Variants in PCDHGB2 observed in about 807,000 individuals in gnomAD.
PCDHGB2 encodes the protein protocadherin gamma subfamily B, 2, also known as protocadherin gamma-B2.
PCDHGB2 carries 55 observed loss-of-function variants against 59.3 expected under a neutral mutation model. That is an observed-to-expected ratio of 0.93 (90% confidence interval 0.75 to 1.16). The LOEUF is 1.16. PCDHGB2 is among the 50% of genes most tolerant of loss of function. The pLI is 0.00. For synonymous variants in PCDHGB2, 516 were observed against 512.0 expected (o/e 1.01, Z -0.11); for missense variants, 1,228 against 1,198.5 (o/e 1.02, Z -0.36).
At chr5:141,482,234 A>G (rs11748256) in intron 1 of PCDHGB2, among the ~76,000 whole-genome samples, 44,758 of 152,044 alleles carry the variant, frequency 0.29, 7,110 homozygotes, top group African/African-American at 0.42. Context: ...GAAATTGCCA[A>G]TATAAGTATA....
chr5:141,416,745 C>T (rs186830862), intron 1 of PCDHGB2: 5 of 152,194 alleles, frequency 3.3e-5, no homozygotes, highest in South Asian at 2.1e-4. Flanking sequence ...AAAATAGTGA[C>T]GTATTAGGTA....
At position 141,419,393 on chromosome 5, in the gene PCDHGB2, G is replaced by A. The variant is rs1226844501; in HGVS notation, c.2421+56837G>A. On this transcript the variant is annotated intron_variant, in intron 1 of 3. Transcript: ENST00000522605. The stretch of plus-strand genomic sequence containing the variant: ...CTACGTGTCCGTGAGCGCGCAGAGC[G>A]GGGTGGTGTTCGCGCAGCGCGCCTT... 6.2e-7 allele frequency: 1 copy of A among 1,613,502 alleles called. No homozygotes were observed. Among genetic ancestry groups the A allele is most frequent in the Non-Finnish European group, 8.5e-7 (1 of 1,179,920 alleles).
At chr5:141,404,950 C>T (rs2094588760) in intron 1 of PCDHGB2, 2 of 1,613,968 alleles carry the variant, frequency 1.2e-6, no homozygotes, top group East Asian at 4.5e-5. Flanking sequence ...CCATAGCTGA[C>T]AGCATCCCAG....
In PCDHGB2 at chr5:141,487,160, G is replaced by A. The variant is rs1188929436; in HGVS notation, c.2422-7647G>A. 5.0e-6 allele frequency: 8 copies of A among 1,613,830 alleles called. No homozygotes were observed. The highest frequency in any genetic ancestry group is 5.1e-6 in the Non-Finnish European group (6 of 1,179,840). ...ACTCTCTACCTCTGTTACTCTCTTA[G>A]TGTCCTTAGAGGAAGACACTCATCC... On this transcript the variant is annotated intron_variant, in intron 1 of 3. Transcript: ENST00000522605. The surrounding 1 kb of genome is among the most constrained non-coding windows in gnomAD (Gnocchi z 5.0).
chr5:141,375,590 T>C (rs750456402), intron 1 of PCDHGB2: 1 of 1,614,162 alleles, frequency 6.2e-7, no homozygotes, highest in South Asian at 1.1e-5. Flanking sequence ...GCCCCTGTCC[T>C]CCTACGTGTC....
At chr5:141,403,772 A>G in intron 1 of PCDHGB2, 1 of 1,613,960 alleles carries the variant, frequency 6.2e-7, no homozygotes, top group Middle Eastern at 1.7e-4. Flanking sequence ...TGAGGGAATC[A>G]ACGGAAAAGT....
rs1053018756 is a variant in PCDHGB2, at chr5:141,497,630, G to T, written c.2480+2765G>T. ...TCTTGGCTCACTGCAACCTCTGCCT[G>T]CCAGGTTCAAGCGATTCTCCTGCCT... is the stretch of plus-strand genomic sequence containing the variant. On this transcript the variant is annotated intron_variant, in intron 2 of 3. Coordinates refer to ENST00000522605, the MANE Select transcript of PCDHGB2 (RefSeq NM_018923.3). 3.3e-5 allele frequency among the ~76,000 whole-genome samples: 5 copies of T among 150,256 alleles called. No homozygotes were observed. The Admixed American group carries it at 3.3e-4, about 10-fold the overall frequency.
Position 141,432,972 on chromosome 5 carries a change from C to T in PCDHGB2, c.2422-61835C>T. 1 of 1,614,218 alleles carries T rather than the reference C, an allele frequency of 6.2e-7. No homozygotes were observed. Among genetic ancestry groups the T allele is most frequent in the African/African-American group, 1.3e-5 (1 of 75,058 alleles). ...GGCGGCTTGACAGGAGCGCCGGCGT[C>T]GCACTTTGTGGGCGTGGACGGGGTG... On this transcript the variant is annotated intron_variant, in intron 1 of 3. Coordinates refer to ENST00000522605, the MANE Select transcript of PCDHGB2 (RefSeq NM_018923.3). This position sits in a 1 kb window ranked among gnomAD's most constrained non-coding sequence, Gnocchi z 6.0.
At chr5:141,385,488 T>C in intron 1 of PCDHGB2, 1 of 1,400,248 alleles carries the variant, frequency 7.1e-7, no homozygotes, top group Non-Finnish European at 9.3e-7. Context: ...ATAGAACACA[T>C]AGGATATAGT....
At chr5:141,397,756 A>AT (rs1283531463) in intron 1 of PCDHGB2, among the ~76,000 whole-genome samples, 1 of 152,210 alleles carries the variant, frequency 6.6e-6, no homozygotes, top group Admixed American at 6.5e-5. Context: ...AGTTGTTATA[A>AT]TTTTTTATTA....
At chr5:141,372,302 G>C in intron 1 of PCDHGB2, 1 of 1,613,340 alleles carries the variant, frequency 6.2e-7, no homozygotes, top group Non-Finnish European at 8.5e-7. Flanking sequence ...GCGACAGGGA[G>C]GCCGCCCGCC....
intron 1 of PCDHGB2, chr5:141,385,207 T>G: frequency 6.2e-7 from 1 of 1,614,226 alleles, no homozygotes; most frequent in Non-Finnish European, 8.5e-7. Flanking sequence ...TCACCTGATC[T>G]TCCCCCAGCC....
chr5:141,399,643 C>G lies in PCDHGB2; in HGVS notation c.2421+37087C>G, dbSNP rs776980167. On this transcript the variant is annotated intron_variant, in intron 1 of 3. Transcript: ENST00000522605. The stretch of plus-strand genomic sequence containing the variant: ...GGCCTCTTACGTGTCCATGAGCGCG[C>G]AAAGTGGGGTGGTGTTCGCGCAGCG... 133 of 1,613,714 alleles carry G rather than the reference C, an allele frequency of 8.2e-5. No individual in the cohort carries two copies. Among genetic ancestry groups the G allele is most frequent in the Non-Finnish European group, 1.1e-4 (126 of 1,179,890 alleles).
intron 1 of PCDHGB2, chr5:141,423,057 T>C (rs1443300486): frequency 6.2e-7 from 1 of 1,614,060 alleles, no homozygotes; most frequent in Non-Finnish European, 8.5e-7. Flanking sequence ...ATCGCCTGCT[T>C]AAGGCCAGCG....
At chr5:141,421,767 C>T in intron 1 of PCDHGB2, 2 of 1,613,906 alleles carry the variant, frequency 1.2e-6, no homozygotes, top group South Asian at 1.1e-5. Context: ...ATTACTTTTC[C>T]TTGCAACTGC....
At position 141,365,023 on chromosome 5, in the gene PCDHGB2, G is replaced by A. The variant is rs775697621; in HGVS notation, c.2421+2467G>A. On this transcript the variant is annotated intron_variant, in intron 1 of 3. Transcript: ENST00000522605. Reference sequence around the variant, plus strand: ...CCGGCACCACGCACATCCGTGTTACGGTCCTCGACGCAAACGACAATGCGC... The same window carrying A: ...CCGGCACCACGCACATCCGTGTTACAGTCCTCGACGCAAACGACAATGCGC... 1.5e-4 allele frequency: 249 copies of A among 1,613,736 alleles called. No homozygotes were observed. The Middle Eastern group carries it at 3.6e-3, about 23-fold the overall frequency.
At chr5:141,498,632 A>G (rs2099784830) in intron 2 of PCDHGB2, among the ~76,000 whole-genome samples, 1 of 152,118 alleles carries the variant, frequency 6.6e-6, no homozygotes, top group South Asian at 2.1e-4. Context: ...CACTGCCTAG[A>G]CAGAAGGAAG....
intron 1 of PCDHGB2, among the ~76,000 whole-genome samples, chr5:141,466,534 T>C (rs1343781541): frequency 6.6e-6 from 1 of 152,214 alleles, no homozygotes; most frequent in Non-Finnish European, 1.5e-5. Flanking sequence ...CAAATTGATG[T>C]AGATGGTCTT....
chr5:141,508,824 G>A (rs893436748), intron 3 of PCDHGB2, among the ~76,000 whole-genome samples: 9 of 151,952 alleles, frequency 5.9e-5, no homozygotes, highest in Admixed American at 3.3e-4. Flanking sequence ...CCAGATCTGG[G>A]CCCCCCTCCC....
Sources: allele counts gnomAD v4.1 joint callset (sites outside exome capture counted in the v4.1 genomes callset), GRCh38; gene constraint gnomAD v4.1.1; non-coding constraint Gnocchi (gnomAD v3.1); transcripts MANE v1.5; gene names NCBI Gene and HGNC (gene_info 2026-07-23, HGNC 2026-07-21).